The following SHROOM1 variants were observed in gnomAD, a reference collection of about 807,000 sequenced individuals.
SHROOM1 encodes protein Shroom1.
Under a neutral mutation model 64.2 loss-of-function variants are expected in SHROOM1, and 53 were observed. That is an observed-to-expected ratio of 0.83 (90% CI 0.66 to 1.04). The LOEUF (loss-of-function observed/expected upper bound fraction) is 1.04, where lower values mean the gene tolerates loss of function less well. SHROOM1 is among the 50% of genes least tolerant of loss of function. The pLI, the probability that SHROOM1 is intolerant of heterozygous loss-of-function variation, is 0.00. For synonymous variants in SHROOM1, 490 were observed against 518.9 expected (o/e 0.94, Z 0.76); for missense variants, 1,179 against 1,163.2 (o/e 1.01, Z -0.20).
At chr5:132,828,255 A>G (rs1758762497) in intron 1 of SHROOM1, among the ~76,000 whole-genome samples, 1 of 152,098 alleles carries the variant, frequency 6.6e-6, no homozygotes, top group Non-Finnish European at 1.5e-5. Context: ...GTGTTTCCTA[A>G]AAGGGAAAGG....
rs1554068617 is a variant in SHROOM1, at chr5:132,825,425, G to T, written c.716C>A (p.Ala239Glu). The part of the protein sequence containing the change: ...LDRVGRGGGP[A>E]RECLGEACSS... ...GCAGGCCTCACCCAGGCATTCCCGC[G>T]CCGGCCCACCGCCCCGACCCACACG... The change falls in exon 4 of 10, where the codon GCG becomes GAG. Residue 239 changes from alanine (A) to glutamate (E), a missense_variant. Ala to Glu is a moderately radical substitution (Grantham distance 107, BLOSUM62 -1). Transcript: ENST00000378679. This position sits in a 1 kb window ranked among gnomAD's most constrained non-coding sequence, Gnocchi z 5.1. 1 of 1,592,508 alleles carries T rather than the reference G, an allele frequency of 6.3e-7. No homozygotes were observed. The highest frequency in any genetic ancestry group is 8.5e-7 in the Non-Finnish European group (1 of 1,176,232).
chr5:132,827,674 G>A (rs1758746864), intron 1 of SHROOM1, 67 bp from the exon 2 acceptor site: 2 of 152,292 alleles, frequency 1.3e-5, no homozygotes, highest in African/African-American at 4.8e-5. Flanking sequence ...GAATGTCAAG[G>A]GAAATAACAG....
In SHROOM1 at chr5:132,824,760, C is replaced by T. The variant is rs1355903880; in HGVS notation, c.1096G>A (p.Ala366Thr). The T allele has an allele frequency of 1.2e-6, 2 of 1,614,112 alleles. No individual in the cohort carries two copies. Among genetic ancestry groups the T allele is most frequent in the East Asian group, 4.5e-5 (2 of 44,880 alleles). The change falls in exon 6 of 10, where the codon GCT becomes ACT. Residue 366 changes from alanine to threonine, a missense_variant. Transcript: ENST00000378679. ...YPAELPQSSP[A>T]DSEQRVSETC... ...TCTGAGACCCTCTGTTCACTGTCAGCAGGGCTGCTCTGGGGTAACTCTGCA... is the reference window on the plus strand; with the variant it reads ...TCTGAGACCCTCTGTTCACTGTCAGTAGGGCTGCTCTGGGGTAACTCTGCA...
rs1758675629 is a variant in SHROOM1, at chr5:132,825,893, G to T, written c.248C>A (p.Pro83Gln). The T allele has an allele frequency of 3.8e-6, 5 of 1,312,174 alleles. No individual in the cohort carries two copies. The highest frequency in any genetic ancestry group is 2.1e-4 in the Middle Eastern group (1 of 4,664). 81.3% of individuals were successfully genotyped at this position (1,312,174 alleles called of 1,614,324 possible). A position where few individuals can be genotyped will look rare whatever the true frequency, so the allele number is the denominator to read the frequency against. ...GGCTGCAACCGCGGGCCGGGGCCGC[G>T]GGGATGTGCAAAGGGCAGCGTCGGG... ...APPDAALCTSPRPRPAVAARS... is the reference protein window; with the variant it reads ...APPDAALCTSQRPRPAVAARS... The change falls in exon 4 of 10, where the codon CCG becomes CAG. Residue 83 changes from proline (P) to glutamine (Q), a missense_variant. Physicochemically the swap from Pro to Gln is moderately conservative, Grantham distance 76 (BLOSUM62 -1). Transcript: ENST00000378679. The surrounding 1 kb of genome is among the most constrained non-coding windows in gnomAD (Gnocchi z 5.1).
In SHROOM1 at chr5:132,825,223, GCTCCGA is replaced by G. The variant is rs1758626044; in HGVS notation, c.912_917del (p.Arg305_Ser306del). On this transcript the variant is annotated inframe_deletion, in exon 4 of 10. Coordinates refer to ENST00000378679, the MANE Select transcript of SHROOM1 (RefSeq NM_001172700.2). This position sits in a 1 kb window ranked among gnomAD's most constrained non-coding sequence, Gnocchi z 5.1. ...AGGAACCCAAGACTTCGCCTGAAGC[GCTCCGA>G]CTCCGACTGGCGGGCCTGAAGGCAT... 6.2e-7 allele frequency: 1 copy of G among 1,614,068 alleles called. No homozygotes were observed. The highest frequency in any genetic ancestry group is 1.3e-5 in the African/African-American group (1 of 75,048).
In SHROOM1 at chr5:132,822,757, A is replaced by C; in HGVS notation, c.*39T>G. On this transcript the variant is annotated 3_prime_UTR_variant, in exon 10 of 10. Transcript: ENST00000378679. ...CAGCATCACCCCACTTACGTGGGTG[A>C]GAGATAGGGGCGGTGCACCCCACCC... 4 of 1,519,826 alleles carry C rather than the reference A, an allele frequency of 2.6e-6. No homozygotes were observed. The highest frequency in any genetic ancestry group is 3.5e-6 in the Non-Finnish European group (4 of 1,129,976). 94.1% of individuals were successfully genotyped at this position (1,519,826 alleles called of 1,614,324 possible). A position where few individuals can be genotyped will look rare whatever the true frequency, so the allele number is the denominator to read the frequency against.
chr5:132,823,416 T>C lies in SHROOM1; in HGVS notation c.2060A>G (p.Glu687Gly). ...QAWARRQAAL[E>G]AAVRQACAPQ... The stretch of plus-strand genomic sequence containing the variant: ...GGCACAGGCCTGGCGCACTGCAGCC[T>C]CCAGAGCCGCTTGGCGCCTGGCCCA... The change falls in exon 9 of 10, where the codon GAG becomes GGG. Residue 687 changes from glutamate (E) to glycine (G), a missense_variant. Glu to Gly is a moderately conservative substitution (Grantham distance 98, BLOSUM62 -2). Coordinates refer to ENST00000378679, the MANE Select transcript of SHROOM1 (RefSeq NM_001172700.2). The surrounding 1 kb of genome is among the most constrained non-coding windows in gnomAD (Gnocchi z 4.6). 6.2e-7 allele frequency: 1 copy of C among 1,611,426 alleles called. No homozygotes were observed. The highest frequency in any genetic ancestry group is 1.1e-5 in the South Asian group (1 of 91,048).
At chr5:132,829,586 A>G (rs140911465) in intron 1 of SHROOM1, 1 of 985,440 alleles carries the variant, frequency 1.0e-6, no homozygotes, top group East Asian at 1.1e-4. Context: ...ACGAATGATC[A>G]GGATTTACAT....
In SHROOM1 at chr5:132,830,647, C is replaced by T; in HGVS notation, c.-554G>A. ...GGCCGTCGCAGCCGCGCGGTGACAT[C>T]AGAGCCCCGGGCTCTGACTCCGACC... On this transcript the variant is annotated 5_prime_UTR_variant, in exon 1 of 10. Transcript: ENST00000378679. This position sits in a 1 kb window ranked among gnomAD's most constrained non-coding sequence, Gnocchi z 5.9. 1 of 985,314 alleles carries T rather than the reference C, an allele frequency of 1.0e-6. No homozygotes were observed. Among genetic ancestry groups the T allele is most frequent in the Non-Finnish European group, 1.2e-6 (1 of 829,884 alleles). 61.0% of individuals were successfully genotyped at this position (985,314 alleles called of 1,614,324 possible).
intron 6 of SHROOM1, 63 bp downstream of exon 6, chr5:132,824,552 A>G (rs1272259961): frequency 2.7e-5 from 42 of 1,544,934 alleles, no homozygotes; most frequent in Non-Finnish European, 3.6e-5. Flanking sequence ...CCACCCCTCT[A>G]GCGTTTTGTA....
chr5:132,823,281 C>T lies in SHROOM1; in HGVS notation c.2195G>A (p.Arg732Gln), dbSNP rs1244297243. The change falls in exon 9 of 10, where the codon CGG becomes CAG. Residue 732 changes from arginine to glutamine, a missense_variant. Physicochemically the swap from Arg to Gln is conservative, Grantham distance 43. Transcript: ENST00000378679. This position sits in a 1 kb window ranked among gnomAD's most constrained non-coding sequence, Gnocchi z 4.6. ...ATCAGGGTCGCTGTCTGAGGCCGCC[C>T]GGGCCAGGGCGCGGCGCACGCGCGC... ...RLARVRRALA[R>Q]AASDSDPDEQ... 4 of 1,599,792 alleles carry T rather than the reference C, an allele frequency of 2.5e-6. No individual in the cohort carries two copies. Among genetic ancestry groups the T allele is most frequent in the South Asian group, 1.1e-5 (1 of 90,888 alleles).
In SHROOM1 at chr5:132,823,586, A is replaced by T; in HGVS notation, c.1953+37T>A. 7 of 1,566,680 alleles carry T rather than the reference A, an allele frequency of 4.5e-6. No individual in the cohort carries two copies. Among genetic ancestry groups the T allele is most frequent in the Non-Finnish European group, 4.3e-6 (5 of 1,153,152 alleles). ...TTCCCTGCCCAGGCTCTGGGCTCCT[A>T]CCCACCCCCAGCCTCCACCAGCCCT... On this transcript the variant is annotated intron_variant, in intron 8 of 9. Transcript: ENST00000378679. This position sits in a 1 kb window ranked among gnomAD's most constrained non-coding sequence, Gnocchi z 4.6.
chr5:132,826,354 G>A lies in SHROOM1; in HGVS notation c.-120C>T. 1 of 1,132,716 alleles carries A rather than the reference G, an allele frequency of 8.8e-7. No homozygotes were observed. Among genetic ancestry groups the A allele is most frequent in the Non-Finnish European group, 1.1e-6 (1 of 896,060 alleles). The allele number at this position is 1,132,716 out of a possible 1,614,324, so 70.2% of individuals were successfully genotyped here. Reference sequence around the variant, plus strand: ...GCAGAGTCACCTTGGGATCAGAGGTGGCAGAGGAAGTAGGACCAGTCCCAG... The same window carrying A: ...GCAGAGTCACCTTGGGATCAGAGGTAGCAGAGGAAGTAGGACCAGTCCCAG... On this transcript the variant is annotated 5_prime_UTR_variant, in exon 3 of 10. Coordinates refer to ENST00000378679, the MANE Select transcript of SHROOM1 (RefSeq NM_001172700.2).
Position 132,823,965 on chromosome 5 carries a change from G to A in SHROOM1, c.1696C>T (p.Pro566Ser), listed in dbSNP as rs372181641. The A allele has an allele frequency of 6.2e-7, 1 of 1,602,092 alleles. No homozygotes were observed. The highest frequency in any genetic ancestry group is 1.3e-5 in the African/African-American group (1 of 74,874). The change falls in exon 7 of 10, where the codon CCA (proline) becomes TCA (serine). Residue 566 changes from proline to serine, a missense_variant. Transcript: ENST00000378679. The surrounding 1 kb of genome is among the most constrained non-coding windows in gnomAD (Gnocchi z 4.6). ...LCDPLASQPS[P>S]EPPLGLLDGL... Reference sequence around the variant, plus strand: ...TCCAGCAGGCCCAGGGGTGGCTCTGGGCTGGGCTGGGAAGCAAGAGGGTCA... The same window carrying A: ...TCCAGCAGGCCCAGGGGTGGCTCTGAGCTGGGCTGGGAAGCAAGAGGGTCA...
At position 132,825,737 on chromosome 5, in the gene SHROOM1, G is replaced by C; in HGVS notation, c.404C>G (p.Pro135Arg). Reference protein sequence around the residue: ...AAQAAEPPSPPASRAAYRQRL... With the variant: ...AAQAAEPPSPRASRAAYRQRL... ...CTGGCGGTAGGCGGCCCTCGAGGCCGGCGGGCTGGGCGGCTCGGCAGCCTG... is the reference window on the plus strand; with the variant it reads ...CTGGCGGTAGGCGGCCCTCGAGGCCCGCGGGCTGGGCGGCTCGGCAGCCTG... Residue 135 changes from proline (P) to arginine (R), a missense_variant, in exon 4 of 10, where the codon CCG becomes CGG. Coordinates refer to ENST00000378679, the MANE Select transcript of SHROOM1 (RefSeq NM_001172700.2). This position sits in a 1 kb window ranked among gnomAD's most constrained non-coding sequence, Gnocchi z 5.1. The C allele has an allele frequency of 7.9e-7, 1 of 1,264,172 alleles. No homozygotes were observed. Among genetic ancestry groups the C allele is most frequent in the African/African-American group, 1.6e-5 (1 of 64,194 alleles). 78.3% of individuals were successfully genotyped at this position (1,264,172 alleles called of 1,614,324 possible). A position where few individuals can be genotyped will look rare whatever the true frequency, so the allele number is the denominator to read the frequency against.
At position 132,829,310 on chromosome 5, in the gene SHROOM1, G is replaced by A. The variant is rs114534760; in HGVS notation, c.-501+1284C>T. Among the ~76,000 whole-genome samples the A allele has an allele frequency of 5.1e-3, 779 of 152,324 alleles. 8 individuals are homozygous for A. Among genetic ancestry groups the A allele is most frequent in the African/African-American group, 0.018 (742 of 41,580 alleles). On this transcript the variant is annotated intron_variant, in intron 1 of 9. Transcript: ENST00000378679. ...GGTGGAGGCACCAGTCTGAAAGGAG[G>A]AGCTGGGGCTGAGGAATTGTCAAGG...
At position 132,825,986 on chromosome 5, in the gene SHROOM1, G is replaced by A; in HGVS notation, c.155C>T (p.Thr52Ile). Residue 52 changes from threonine (T) to isoleucine (I), a missense_variant, in exon 4 of 10, where the codon ACA becomes ATA. Thr to Ile is a moderately conservative substitution (Grantham distance 89). Coordinates refer to ENST00000378679, the MANE Select transcript of SHROOM1 (RefSeq NM_001172700.2). The surrounding 1 kb of genome is among the most constrained non-coding windows in gnomAD (Gnocchi z 5.1). ...CCAGTCTAGGTAAGGAAGGAGGTCTGTCCCCGGCGACTGCGTGCGCGGCTC... is the reference window on the plus strand; with the variant it reads ...CCAGTCTAGGTAAGGAAGGAGGTCTATCCCCGGCGACTGCGTGCGCGGCTC... ...GPEPRTQSPG[T>I]DLLPYLDWDY... The A allele has an allele frequency of 2.0e-6, 3 of 1,525,800 alleles. No individual in the cohort carries two copies. The South Asian group carries it at 3.8e-5, about 19-fold the overall frequency. 94.5% of individuals were successfully genotyped at this position (1,525,800 alleles called of 1,614,324 possible).
Position 132,823,567 on chromosome 5 carries a change from G to A in SHROOM1, c.1954-45C>T. ...CTGGGGCCAGGCTCATGACTTCCCT[G>A]CCCAGGCTCTGGGCTCCTACCCACC... On this transcript the variant is annotated intron_variant, in intron 8 of 9. Transcript: ENST00000378679. The surrounding 1 kb of genome is among the most constrained non-coding windows in gnomAD (Gnocchi z 4.6). 4 of 1,569,342 alleles carry A rather than the reference G, an allele frequency of 2.5e-6. No individual in the cohort carries two copies. Among genetic ancestry groups the A allele is most frequent in the Non-Finnish European group, 3.5e-6 (4 of 1,154,344 alleles).
rs779025537 is a variant in SHROOM1 at position 132,823,507 on chromosome 5, G to A, written c.1969C>T (p.Arg657Cys). The stretch of plus-strand genomic sequence containing the variant: ...AGGTCCTGAAGCATCTTTTGGAGGC[G>A]GGCGGCCAGCTCCACCTACAGGGAA... ...IQGKKVELAARLQKMLQDLHT... is the reference protein window; with the variant it reads ...IQGKKVELAACLQKMLQDLHT... The change falls in exon 9 of 10, where the codon CGC (arginine) becomes TGC (cysteine). Residue 657 changes from arginine (R) to cysteine (C), a missense_variant. Arg to Cys is a radical substitution (Grantham distance 180). Transcript: ENST00000378679. This position sits in a 1 kb window ranked among gnomAD's most constrained non-coding sequence, Gnocchi z 4.6. 3.7e-6 allele frequency: 6 copies of A among 1,600,672 alleles called. No homozygotes were observed. The highest frequency in any genetic ancestry group is 2.7e-5 in the African/African-American group (2 of 74,664).
Sources: allele counts gnomAD v4.1 joint callset (sites outside exome capture counted in the v4.1 genomes callset), GRCh38; gene constraint gnomAD v4.1.1; non-coding constraint Gnocchi (gnomAD v3.1); transcripts MANE v1.5; gene names NCBI Gene and HGNC (gene_info 2026-07-23, HGNC 2026-07-21).